TTL: variants seen among roughly 807,000 people sequenced by gnomAD.
TTL encodes tubulin--tyrosine ligase.
In TTL, 10 loss-of-function variants were observed where a neutral mutation model predicts 41.1. The ratio of observed to expected loss-of-function variants is 0.24; its 90% CI spans 0.15 to 0.41. The LOEUF is 0.41. TTL is among the 10% of genes least tolerant of loss of function. The pLI, the probability that TTL is intolerant of heterozygous loss-of-function variation, is 1.00. For synonymous variants in TTL, 175 were observed against 175.5 expected (o/e 1.00, Z 0.02); for missense variants, 367 against 460.4 (o/e 0.80, Z 1.86).
chr2:112,494,412 T>C, intron 3 of TTL, 37 bp downstream of exon 3: 1 of 1,516,550 alleles, frequency 6.6e-7, no homozygotes, highest in Non-Finnish European at 9.1e-7. Flanking sequence ...CTATTCCTGG[T>C]AAGTTGCTAT....
rs773996151 is a variant in TTL at position 112,520,352 on chromosome 2, G to A, written c.946G>A (p.Gly316Ser). The change falls in exon 6 of 7, where the codon GGC (glycine) becomes AGC (serine). Residue 316 changes from glycine to serine, a missense_variant. Coordinates refer to ENST00000233336, the MANE Select transcript of TTL (RefSeq NM_153712.5). ...HLPYQSFQLF[G>S]FDFMVDEELK... ...CCCTTACCAGAGCTTCCAGCTCTTCGGCTTTGACTTCATGGTCGATGAGGA... is the reference window on the plus strand; with the variant it reads ...CCCTTACCAGAGCTTCCAGCTCTTCAGCTTTGACTTCATGGTCGATGAGGA... 2.5e-6 allele frequency: 4 copies of A among 1,613,956 alleles called. No homozygotes were observed. Among genetic ancestry groups the A allele is most frequent in the Admixed American group, 3.3e-5 (2 of 59,980 alleles).
Position 112,494,247 on chromosome 2 carries a change from A to G in TTL, c.341A>G (p.Asn114Ser), listed in dbSNP as rs374528010. The G allele has an allele frequency of 1.3e-5, 21 of 1,614,094 alleles. No individual in the cohort carries two copies. Among genetic ancestry groups the G allele is most frequent in the Non-Finnish European group, 1.7e-5 (20 of 1,180,038 alleles). Residue 114 changes from asparagine to serine, a missense_variant, in exon 3 of 7, where the codon AAT becomes AGT. Transcript: ENST00000233336. ...NLKTPVAPAQ[N>S]GIQPPISNSR... ...AAGACTCCAGTTGCTCCAGCACAGA[A>G]TGGAATTCAGCCACCAATCAGTAAC...
intron 5 of TTL, among the ~76,000 whole-genome samples, chr2:112,512,187 G>C (rs1681938326): frequency 6.6e-6 from 1 of 151,966 alleles, no homozygotes; most frequent in Non-Finnish European, 1.5e-5. Flanking sequence ...TGCCTCCCGG[G>C]TTCAAGTGAT....
In TTL at chr2:112,539,864, T is replaced by C. The variant is rs1682677814; in HGVS notation, c.*11069T>C. 1 of 152,218 alleles carries C rather than the reference T, an allele frequency of 6.6e-6. No individual in the cohort carries two copies. The highest frequency in any genetic ancestry group is 2.4e-5 in the African/African-American group (1 of 41,448). 9.4% of individuals were successfully genotyped at this position (152,218 alleles called of 1,614,324 possible). On this transcript the variant is annotated 3_prime_UTR_variant, in exon 7 of 7. Transcript: ENST00000233336. ...AAGATCAATATACAAAACTCAATGG[T>C]ATTTCTACATATTACAAACAATTTG...
chr2:112,494,876 C>G, intron 3 of TTL, among the ~76,000 whole-genome samples: 1 of 152,172 alleles, frequency 6.6e-6, no homozygotes, highest in East Asian at 1.9e-4. Context: ...TCAAAACCCC[C>G]ATTCTTTTTA....
In TTL at chr2:112,534,796, AAG is replaced by A. The variant is rs1479223909; in HGVS notation, c.*6003_*6004del. 6.6e-6 allele frequency: 1 copy of A among 152,212 alleles called. No homozygotes were observed. The highest frequency in any genetic ancestry group is 1.5e-5 in the Non-Finnish European group (1 of 68,058). 9.4% of individuals were successfully genotyped at this position (152,212 alleles called of 1,614,324 possible). On this transcript the variant is annotated 3_prime_UTR_variant, in exon 7 of 7. Transcript: ENST00000233336. ...TTTTGAAAAGCTTCAACCTATTCCT[AAG>A]AATGCAGAAGGCCACACACATGTGT... is the stretch of plus-strand genomic sequence containing the variant.
At chr2:112,525,586 TTGTC>T (rs1447543462) in intron 6 of TTL, among the ~76,000 whole-genome samples, 6 of 151,876 alleles carry the variant, frequency 4.0e-5, no homozygotes, top group African/African-American at 1.4e-4. Flanking sequence ...ATTTGGCTGT[TTGTC>T]TGTTATTGGT....
chr2:112,516,731 A>G (rs569439191), intron 5 of TTL, among the ~76,000 whole-genome samples: 2 of 152,246 alleles, frequency 1.3e-5, no homozygotes, highest in East Asian at 3.9e-4. Context: ...TAGGATCTCC[A>G]TTCTGTCCCA....
chr2:112,503,963 C>T (rs1167011391), intron 5 of TTL, among the ~76,000 whole-genome samples: 1 of 78,692 alleles, frequency 1.3e-5, no homozygotes, highest in Non-Finnish European at 2.5e-5. Flanking sequence ...TCCCTCCCCC[C>T]TCCCCCGACC....
rs531281648 is a variant in TTL, at chr2:112,527,917, T to G, written c.1020-764T>G. 8.5e-5 allele frequency among the ~76,000 whole-genome samples: 13 copies of G among 152,358 alleles called. No individual in the cohort carries two copies. The South Asian group carries it at 2.7e-3, about 32-fold the overall frequency. On this transcript the variant is annotated intron_variant, in intron 6 of 6. Coordinates refer to ENST00000233336, the MANE Select transcript of TTL (RefSeq NM_153712.5). ...AGTTTCTTCCTAGCATCTATGGTCT[T>G]TACAGTTTGGCATGTTTTTGCAGTG...
chr2:112,509,479 T>G (rs1036689371), intron 5 of TTL, among the ~76,000 whole-genome samples: 1 of 152,208 alleles, frequency 6.6e-6, no homozygotes. Context: ...TCCGTGGGCG[T>G]AGGACCCTCT....
chr2:112,509,673 T>C (rs1681871430), intron 5 of TTL, among the ~76,000 whole-genome samples: 1 of 152,156 alleles, frequency 6.6e-6, no homozygotes, highest in Non-Finnish European at 1.5e-5. Context: ...CTGCTTCGGC[T>C]CGCGCACGGT....
chr2:112,523,018 AC>A (rs1682283512), intron 6 of TTL, among the ~76,000 whole-genome samples: 1 of 152,046 alleles, frequency 6.6e-6, no homozygotes, highest in South Asian at 2.1e-4. Flanking sequence ...TGCACCTAGG[AC>A]ACAAACCAGA....
chr2:112,521,494 T>C (rs1014697291), intron 6 of TTL, among the ~76,000 whole-genome samples: 1 of 152,216 alleles, frequency 6.6e-6, no homozygotes, highest in South Asian at 2.1e-4. Context: ...TTGAGTGATT[T>C]TTCAAAATGT....
intron 5 of TTL, among the ~76,000 whole-genome samples, chr2:112,514,109 C>T (rs1682001944): frequency 6.6e-6 from 1 of 151,994 alleles, no homozygotes; most frequent in South Asian, 2.1e-4. Flanking sequence ...TTAGGCCAGG[C>T]GCGGCACCTC....
chr2:112,536,117 G>A lies in TTL; in HGVS notation c.*7322G>A, dbSNP rs1206496039. On this transcript the variant is annotated 3_prime_UTR_variant, in exon 7 of 7. Transcript: ENST00000233336. Reference sequence around the variant, plus strand: ...TTATGGCTGAACAGTACTCCATTGTGTATAAGCAATATATTTTCTTTATCC... The same window carrying A: ...TTATGGCTGAACAGTACTCCATTGTATATAAGCAATATATTTTCTTTATCC... The A allele has an allele frequency of 2.0e-5, 3 of 152,178 alleles. No individual in the cohort carries two copies. Among genetic ancestry groups the A allele is most frequent in the African/African-American group, 7.2e-5 (3 of 41,444 alleles). The allele number at this position is 152,178 out of a possible 1,614,324, so 9.4% of individuals were successfully genotyped here.
In TTL at chr2:112,482,474, A is replaced by G. The variant is rs1681116805; in HGVS notation, c.130A>G (p.Arg44Gly). Residue 44 changes from arginine to glycine, a missense_variant, in exon 1 of 7, where the codon AGG (arginine) becomes GGG (glycine). Transcript: ENST00000233336. The surrounding 1 kb of genome is among the most constrained non-coding windows in gnomAD (Gnocchi z 5.3). ...NPRFNLMLGERNRLPFGRLGH... is the reference protein window; with the variant it reads ...NPRFNLMLGEGNRLPFGRLGH... ...CAGATTCAACCTGATGCTGGGAGAGAGGAATCGGCTGCCCTTCGGGAGACT... is the reference window on the plus strand; with the variant it reads ...CAGATTCAACCTGATGCTGGGAGAGGGGAATCGGCTGCCCTTCGGGAGACT... 1 of 1,610,886 alleles carries G rather than the reference A, an allele frequency of 6.2e-7. No homozygotes were observed. The highest frequency in any genetic ancestry group is 2.2e-5 in the East Asian group (1 of 44,466).
intron 6 of TTL, among the ~76,000 whole-genome samples, chr2:112,528,173 G>A (rs566885185): frequency 1.4e-4 from 21 of 152,240 alleles, no homozygotes; most frequent in East Asian, 5.8e-4. Flanking sequence ...AGTTTCTGCC[G>A]AGAGATCCGC....
chr2:112,518,784 C>T (rs923935597), intron 5 of TTL, among the ~76,000 whole-genome samples: 1 of 151,566 alleles, frequency 6.6e-6, no homozygotes, highest in Non-Finnish European at 1.5e-5. Flanking sequence ...AAGCGATTCT[C>T]CTGCCTCAGC....
Sources: allele counts gnomAD v4.1 joint callset (sites outside exome capture counted in the v4.1 genomes callset), GRCh38; gene constraint gnomAD v4.1.1; non-coding constraint Gnocchi (gnomAD v3.1); transcripts MANE v1.5; gene names NCBI Gene and HGNC (gene_info 2026-07-23, HGNC 2026-07-21).